MGAT4C: variants seen among roughly 807,000 people sequenced by gnomAD.
MGAT4C encodes the protein alpha-1,3-mannosyl-glycoprotein 4-beta-N-acetylglucosaminyltransferase C.
MGAT4C carries 19 observed loss-of-function variants against 40.1 expected under a neutral mutation model. That is an observed-to-expected ratio of 0.47 (90% CI 0.33 to 0.70). The LOEUF is 0.70. MGAT4C is among the 30% of genes least tolerant of loss of function. The probability of loss-of-function intolerance (pLI) is 0.02; values close to 1 mark genes in which losing one functional copy is unlikely to be tolerated. For synonymous variants in MGAT4C, 181 were observed against 187.1 expected (o/e 0.97, Z 0.27); for missense variants, 491 against 563.2 (o/e 0.87, Z 1.30).
At chr12:86,594,122 G>T (rs1208011148) in intron 2 of MGAT4C, among the ~76,000 whole-genome samples, 2 of 152,182 alleles carry the variant, frequency 1.3e-5, no homozygotes, top group African/African-American at 2.4e-5. Flanking sequence ...GGAGTGAGAA[G>T]AACAACGGTG....
chr12:86,130,086 A>G (rs1324725452), intron 1 of MGAT4C, among the ~76,000 whole-genome samples: 1 of 152,224 alleles, frequency 6.6e-6, no homozygotes, highest in Non-Finnish European at 1.5e-5. Flanking sequence ...TGATGGAATT[A>G]TGTTCCCTGA....
At chr12:86,539,448 A>C (rs1204405891) in intron 2 of MGAT4C, among the ~76,000 whole-genome samples, 1 of 152,146 alleles carries the variant, frequency 6.6e-6, no homozygotes, top group African/African-American at 2.4e-5. Flanking sequence ...GTTGGTTCCA[A>C]GTCTTTGCCA....
At chr12:86,315,926 G>A (rs895593622) in intron 4 of MGAT4C, among the ~76,000 whole-genome samples, 2 of 151,422 alleles carry the variant, frequency 1.3e-5, no homozygotes, top group Non-Finnish European at 2.9e-5. Context: ...TAAAGAATGA[G>A]GGAAAATATT....
At chr12:86,464,101 T>C (rs1444990564) in intron 2 of MGAT4C, among the ~76,000 whole-genome samples, 1 of 152,174 alleles carries the variant, frequency 6.6e-6, no homozygotes, top group Non-Finnish European at 1.5e-5. Flanking sequence ...TCTTCACAGG[T>C]ACTGCCATAC....
At chr12:86,026,818 C>T (rs1299098722) in intron 2 of MGAT4C, among the ~76,000 whole-genome samples, 1 of 151,870 alleles carries the variant, frequency 6.6e-6, no homozygotes, top group South Asian at 2.1e-4. Flanking sequence ...AATGAGCTTT[C>T]TCAGCTCTTC....
intron 3 of MGAT4C, among the ~76,000 whole-genome samples, chr12:86,397,839 C>T (rs1956287939): frequency 6.6e-6 from 1 of 151,968 alleles, no homozygotes; most frequent in Non-Finnish European, 1.5e-5. Flanking sequence ...GGAGCGTGCC[C>T]GTAGTCCCAG....
rs560425330 is a variant in MGAT4C, at chr12:86,738,872, C to T, written c.-261-11631G>A. Among the ~76,000 whole-genome samples, 55 of 150,818 alleles carry T rather than the reference C, an allele frequency of 3.6e-4. 1 individual carries two copies. The South Asian group carries it at 9.8e-3, about 27-fold the overall frequency. ...AAACTGAAGAGGTTGAACACAAAAGCCCGTTTATATTTTTTTATGGTGTCC... is the reference window on the plus strand; with the variant it reads ...AAACTGAAGAGGTTGAACACAAAAGTCCGTTTATATTTTTTTATGGTGTCC... On this transcript the variant is annotated intron_variant, in intron 1 of 7. Coordinates refer to the MGAT4C transcript ENST00000548651.
chr12:86,417,059 T>C (rs935059973), intron 3 of MGAT4C, among the ~76,000 whole-genome samples: 2 of 152,128 alleles, frequency 1.3e-5, no homozygotes, highest in African/African-American at 4.8e-5. Flanking sequence ...GGTATGTTGT[T>C]ACAACAGCAC....
At chr12:86,084,264 A>C (rs761875373) in intron 1 of MGAT4C, among the ~76,000 whole-genome samples, 9 of 152,096 alleles carry the variant, frequency 5.9e-5, no homozygotes, top group Non-Finnish European at 1.3e-4. Flanking sequence ...TAGGGTAAAA[A>C]ACAAGGCATT....
At chr12:86,267,959 T>A (rs1952830170) in intron 4 of MGAT4C, among the ~76,000 whole-genome samples, 2 of 152,060 alleles carry the variant, frequency 1.3e-5, no homozygotes, top group African/African-American at 4.8e-5. Flanking sequence ...AGGACAGAAA[T>A]AGGTTTTGGT....
intron 2 of MGAT4C, among the ~76,000 whole-genome samples, chr12:86,482,853 T>G (rs1957959538): frequency 6.6e-6 from 1 of 152,208 alleles, no homozygotes; most frequent in Non-Finnish European, 1.5e-5. Context: ...AATGTAAATT[T>G]TGTAATTTGT....
intron 2 of MGAT4C, among the ~76,000 whole-genome samples, chr12:86,636,122 G>A (rs1453628816): frequency 2.0e-5 from 3 of 152,014 alleles, no homozygotes; most frequent in African/African-American, 7.2e-5. Flanking sequence ...TTGGTGTGTA[G>A]CAGGCTAGTA....
chr12:86,588,711 C>T (rs552222681), intron 2 of MGAT4C, among the ~76,000 whole-genome samples: 265 of 152,064 alleles, frequency 1.7e-3, no homozygotes, highest in African/African-American at 5.9e-3. Context: ...TCTCTCAGAC[C>T]GCAGTGCAAT....
chr12:86,146,510 A>G (rs1883532756), intron 1 of MGAT4C, among the ~76,000 whole-genome samples: 1 of 152,098 alleles, frequency 6.6e-6, no homozygotes, highest in African/African-American at 2.4e-5. Context: ...TTTTAATAGA[A>G]TGTTATCTAC....
chr12:86,364,636 C>T (rs1955553570), intron 3 of MGAT4C, among the ~76,000 whole-genome samples: 1 of 152,068 alleles, frequency 6.6e-6, no homozygotes, highest in Non-Finnish European at 1.5e-5. Context: ...TTTCTATTTT[C>T]CCTAAGTGTT....
chr12:86,474,906 T>G (rs530209553), intron 2 of MGAT4C, among the ~76,000 whole-genome samples: 53 of 152,062 alleles, frequency 3.5e-4, no homozygotes, highest in Non-Finnish European at 6.6e-4. Context: ...AGTCAATAAT[T>G]GAAATATATG....
At chr12:86,195,426 T>C (rs1227984567) in intron 1 of MGAT4C, among the ~76,000 whole-genome samples, 1 of 152,196 alleles carries the variant, frequency 6.6e-6, no homozygotes, top group African/African-American at 2.4e-5. Flanking sequence ...AAAGGAGACA[T>C]TGAATCACTC....
At chr12:86,080,022 C>A (rs182652822) in intron 1 of MGAT4C, among the ~76,000 whole-genome samples, 1 of 152,172 alleles carries the variant, frequency 6.6e-6, no homozygotes, top group Non-Finnish European at 1.5e-5. Flanking sequence ...CCTGCCTAGA[C>A]AGGCTCTGAA....
At chr12:86,494,451 C>T (rs1247963235) in intron 2 of MGAT4C, among the ~76,000 whole-genome samples, 1 of 151,558 alleles carries the variant, frequency 6.6e-6, no homozygotes, top group Non-Finnish European at 1.5e-5. Context: ...TAGACAACTC[C>T]TATTTTTATC....
Sources: allele counts gnomAD v4.1 joint callset (sites outside exome capture counted in the v4.1 genomes callset), GRCh38; gene constraint gnomAD v4.1.1; transcripts MANE v1.5; gene names NCBI Gene and HGNC (gene_info 2026-07-23, HGNC 2026-07-21).